PXDC1: variants seen among roughly 807,000 people sequenced by gnomAD.
PXDC1 encodes PX domain containing 1, also known as PX domain-containing protein 1.
In PXDC1, 13 loss-of-function variants were observed where a neutral mutation model predicts 24.4. The observed-to-expected ratio is 0.53, with a 90% confidence interval of 0.35 to 0.85. The LOEUF (loss-of-function observed/expected upper bound fraction) is 0.85. PXDC1 is among the 40% of genes least tolerant of loss of function. The pLI is 0.01. For synonymous variants in PXDC1, 162 were observed against 124.9 expected (o/e 1.30, Z -1.98); for missense variants, 344 against 309.3 (o/e 1.11, Z -0.84).
chr6:3,729,342 G>A (rs1167777916), intron 3 of PXDC1, among the ~76,000 whole-genome samples: 2 of 152,012 alleles, frequency 1.3e-5, no homozygotes, highest in East Asian at 1.9e-4. Flanking sequence ...TTTCCTCCTC[G>A]CCCCCCATAG....
At chr6:3,751,157 C>G (rs1485753313) in intron 1 of PXDC1, 119 bp downstream of exon 1, 8 of 813,676 alleles carry the variant, frequency 9.8e-6, no homozygotes, top group Non-Finnish European at 1.2e-5. Context: ...CAAGTGTCCC[C>G]TGTCCAGGGC....
intron 1 of PXDC1, among the ~76,000 whole-genome samples, chr6:3,750,916 G>A (rs890461414): frequency 6.6e-6 from 1 of 151,976 alleles, no homozygotes; most frequent in Middle Eastern, 3.4e-3. Context: ...GGGAGGTACC[G>A]GGCAGGGGGC....
chr6:3,750,600 C>G (rs566427113), intron 1 of PXDC1, among the ~76,000 whole-genome samples: 1 of 152,334 alleles, frequency 6.6e-6, no homozygotes, highest in African/African-American at 2.4e-5. Flanking sequence ...TTTCTGAAAA[C>G]AAGAATTCCC....
In PXDC1 at chr6:3,724,281, T is replaced by A. The variant is rs962820550; in HGVS notation, c.579-545A>T. Among the ~76,000 whole-genome samples, 15 of 151,760 alleles carry A rather than the reference T, an allele frequency of 9.9e-5. No homozygotes were observed. Among genetic ancestry groups the A allele is most frequent in the Non-Finnish European group, 4.4e-5 (3 of 67,922 alleles). On this transcript the variant is annotated intron_variant, in intron 4 of 4. Coordinates refer to ENST00000380283, the MANE Select transcript of PXDC1 (RefSeq NM_183373.4). This position sits in a 1 kb window ranked among gnomAD's most constrained non-coding sequence, Gnocchi z 4.5. ...GGGGAAGCCTGCATGTGGGTACGTG[T>A]TTCATTCGCGCTCTGGCAGATGAGA... is the stretch of plus-strand genomic sequence containing the variant.
In PXDC1 at chr6:3,737,241, C is replaced by T. The variant is rs201145054; in HGVS notation, c.349-45G>A. 3.3e-5 allele frequency: 45 copies of T among 1,378,812 alleles called. No homozygotes were observed. In the African/African-American group the frequency reaches 4.8e-4, roughly 15 times the overall value. 85.4% of individuals were successfully genotyped at this position (1,378,812 alleles called of 1,614,324 possible). A position where few individuals can be genotyped will look rare whatever the true frequency, so the allele number is the denominator to read the frequency against. ...TTACTAAAAACGATCAGCCTCTACA[C>T]GTTGGCCCTGTCTGTCTACCAAGAG... is the stretch of plus-strand genomic sequence containing the variant. On this transcript the variant is annotated intron_variant, in intron 2 of 4. Transcript: ENST00000380283. This position sits in a 1 kb window ranked among gnomAD's most constrained non-coding sequence, Gnocchi z 5.5.
chr6:3,733,328 T>C (rs1016582440), intron 3 of PXDC1, among the ~76,000 whole-genome samples: 7 of 152,194 alleles, frequency 4.6e-5, no homozygotes, highest in East Asian at 1.9e-4. Flanking sequence ...ACTGAGAACA[T>C]GGTGTGCCTA....
rs999936400 is a variant in PXDC1 at position 3,737,650 on chromosome 6, C to T, written c.348+407G>A. 58 of 985,208 alleles carry T rather than the reference C, an allele frequency of 5.9e-5. No individual in the cohort carries two copies. Among genetic ancestry groups the T allele is most frequent in the South Asian group, 1.9e-4 (4 of 21,292 alleles). The allele number at this position is 985,208 out of a possible 1,614,324, so 61.0% of individuals were successfully genotyped here. A position where few individuals can be genotyped will look rare whatever the true frequency, so the allele number is the denominator to read the frequency against. ...GGAGTTGACGGTCAAATCCGGGCAA[C>T]GTGCCCCGCTGTGCTGACGCCAACG... is the stretch of plus-strand genomic sequence containing the variant. On this transcript the variant is annotated intron_variant, in intron 2 of 4. Transcript: ENST00000380283. The surrounding 1 kb of genome is among the most constrained non-coding windows in gnomAD (Gnocchi z 5.5).
chr6:3,737,333 C>A lies in PXDC1; in HGVS notation c.349-137G>T. 1 of 674,550 alleles carries A rather than the reference C, an allele frequency of 1.5e-6. No homozygotes were observed. Among genetic ancestry groups the A allele is most frequent in the East Asian group, 2.6e-5 (1 of 38,220 alleles). 41.8% of individuals were successfully genotyped at this position (674,550 alleles called of 1,614,324 possible). ...CGCCCCATGAATGTCCAGATGCTCCCATGGCTGGCCGCAGGGGCGGGGCTG... is the reference window on the plus strand; with the variant it reads ...CGCCCCATGAATGTCCAGATGCTCCAATGGCTGGCCGCAGGGGCGGGGCTG... On this transcript the variant is annotated intron_variant, in intron 2 of 4. Coordinates refer to ENST00000380283, the MANE Select transcript of PXDC1 (RefSeq NM_183373.4). This position sits in a 1 kb window ranked among gnomAD's most constrained non-coding sequence, Gnocchi z 5.5.
rs773670186 is a variant in PXDC1, at chr6:3,751,375, G to C, written c.157C>G (p.Leu53Val). Residue 53 changes from leucine (L) to valine (V), a missense_variant, in exon 1 of 5, where the codon CTG (leucine) becomes GTG (valine). Leu to Val is a conservative substitution (Grantham distance 32). Transcript: ENST00000380283. ...CCCAGGTCCGCCAGGCTGCGGTGCAGGTAGAGCACGCTGCGGTCCGACCAC... is the reference window on the plus strand; with the variant it reads ...CCCAGGTCCGCCAGGCTGCGGTGCACGTAGAGCACGCTGCGGTCCGACCAC... ...TEWSDRSVLY[L>V]HRSLADLGRL... 1 of 1,564,424 alleles carries C rather than the reference G, an allele frequency of 6.4e-7. No homozygotes were observed. The highest frequency in any genetic ancestry group is 8.6e-7 in the Non-Finnish European group (1 of 1,156,374).
At chr6:3,726,157 CAG>C (rs998102500) in intron 4 of PXDC1, among the ~76,000 whole-genome samples, 2 of 152,226 alleles carry the variant, frequency 1.3e-5, no homozygotes, top group Non-Finnish European at 2.9e-5. Flanking sequence ...ACTGCAGACT[CAG>C]AGCCTGCACA....
chr6:3,735,412 C>G (rs370785852), intron 3 of PXDC1, among the ~76,000 whole-genome samples: 2 of 152,180 alleles, frequency 1.3e-5, no homozygotes, highest in South Asian at 4.1e-4. Flanking sequence ...ATATGCACAA[C>G]GGAATACTAT....
Position 3,737,842 on chromosome 6 carries a change from G to A in PXDC1, c.348+215C>T, listed in dbSNP as rs576202799. 4.9e-4 allele frequency: 157 copies of A among 319,964 alleles called. No individual in the cohort carries two copies. Among genetic ancestry groups the A allele is most frequent in the Non-Finnish European group, 6.3e-4 (140 of 222,118 alleles). The allele number at this position is 319,964 out of a possible 1,614,324, so 19.8% of individuals were successfully genotyped here. On this transcript the variant is annotated intron_variant, in intron 2 of 4. Coordinates refer to ENST00000380283, the MANE Select transcript of PXDC1 (RefSeq NM_183373.4). This position sits in a 1 kb window ranked among gnomAD's most constrained non-coding sequence, Gnocchi z 5.5. ...ACTCTTTCCCCAGGGAGGAAAAACCGGGGCCACTGGAGCCCATGAAAGCCT... is the reference window on the plus strand; with the variant it reads ...ACTCTTTCCCCAGGGAGGAAAAACCAGGGCCACTGGAGCCCATGAAAGCCT...
Position 3,737,907 on chromosome 6 carries a change from C to A in PXDC1, c.348+150G>T. ...ACACCTGCACACCTCCACTCCGTCC[C>A]TATCGCCTGGTACTACCAGGGAGGG... On this transcript the variant is annotated intron_variant, in intron 2 of 4. Transcript: ENST00000380283. This position sits in a 1 kb window ranked among gnomAD's most constrained non-coding sequence, Gnocchi z 5.5. 1 of 729,090 alleles carries A rather than the reference C, an allele frequency of 1.4e-6. No individual in the cohort carries two copies. The highest frequency in any genetic ancestry group is 2.6e-5 in the East Asian group (1 of 38,936). The allele number at this position is 729,090 out of a possible 1,614,324, so 45.2% of individuals were successfully genotyped here.
chr6:3,736,732 G>A (rs1340962999), intron 3 of PXDC1, among the ~76,000 whole-genome samples: 1 of 152,206 alleles, frequency 6.6e-6, no homozygotes, highest in Non-Finnish European at 1.5e-5. Flanking sequence ...CAAATTCAAT[G>A]CCACGTGACA....
Position 3,723,119 on chromosome 6 carries a change from A to G in PXDC1, c.*500T>C, listed in dbSNP as rs1374722546. 1 of 154,322 alleles carries G rather than the reference A, an allele frequency of 6.5e-6. No individual in the cohort carries two copies. The highest frequency in any genetic ancestry group is 6.5e-5 in the Admixed American group (1 of 15,426). 9.6% of individuals were successfully genotyped at this position (154,322 alleles called of 1,614,324 possible). ...GCCACATATCCCAGTTCTCAGAGAA[A>G]TCCTGGATTACTAAACATCCCCTGC... is the stretch of plus-strand genomic sequence containing the variant. On this transcript the variant is annotated 3_prime_UTR_variant, in exon 5 of 5. Transcript: ENST00000380283.
At chr6:3,745,004 T>C (rs1760534119) in intron 1 of PXDC1, among the ~76,000 whole-genome samples, 1 of 152,196 alleles carries the variant, frequency 6.6e-6, no homozygotes, top group African/African-American at 2.4e-5. Flanking sequence ...CAGCCATTCT[T>C]TCTTAGGATC....
intron 1 of PXDC1, chr6:3,738,991 C>T (rs1482180125): frequency 1.6e-6 from 2 of 1,278,518 alleles, no homozygotes; most frequent in Non-Finnish European, 1.0e-6. Flanking sequence ...GATTAAACCA[C>T]AAAGGCTTAA....
chr6:3,724,363 C>A lies in PXDC1; in HGVS notation c.579-627G>T, dbSNP rs998198795. ...GTGGAGAACTAGGGAAGAATACAAA[C>A]CCCAAACATAAGGGGACGTAAAAGC... On this transcript the variant is annotated intron_variant, in intron 4 of 4. Coordinates refer to ENST00000380283, the MANE Select transcript of PXDC1 (RefSeq NM_183373.4). This position sits in a 1 kb window ranked among gnomAD's most constrained non-coding sequence, Gnocchi z 4.5. Among the ~76,000 whole-genome samples, 14 of 152,104 alleles carry A rather than the reference C, an allele frequency of 9.2e-5. No individual in the cohort carries two copies. The highest frequency in any genetic ancestry group is 2.1e-4 in the Non-Finnish European group (14 of 68,018).
Position 3,751,510 on chromosome 6 carries a change from C to T in PXDC1, c.22G>A (p.Gly8Ser). 1 of 1,598,090 alleles carries T rather than the reference C, an allele frequency of 6.3e-7. No homozygotes were observed. The highest frequency in any genetic ancestry group is 8.5e-7 in the Non-Finnish European group (1 of 1,174,508). The change falls in exon 1 of 5, where the codon GGC becomes AGC. Residue 8 changes from glycine (G) to serine (S), a missense_variant. By Grantham distance (56) the Gly-to-Ser change is moderately conservative. Coordinates refer to ENST00000380283, the MANE Select transcript of PXDC1 (RefSeq NM_183373.4). ...ACGAACATGTTCACGAGCGACGTGCCCTCAAACACCGCCGAGGCCATGTCG... is the reference window on the plus strand; with the variant it reads ...ACGAACATGTTCACGAGCGACGTGCTCTCAAACACCGCCGAGGCCATGTCG... MASAVFEGTSLVNMFVRG... is the reference protein window; with the variant it reads MASAVFESTSLVNMFVRG...
Sources: gnomAD v4.1 joint callset for allele counts (sites outside exome capture counted in the v4.1 genomes callset) on GRCh38, gnomAD v4.1.1 for gene constraint, Gnocchi (gnomAD v3.1) non-coding constraint, MANE v1.5 for transcripts, NCBI Gene and HGNC (gene_info 2026-07-23, HGNC 2026-07-21) for gene names.